Variants in EFEMP1 observed in about 807,000 individuals in gnomAD.
The protein encoded by EFEMP1 is EGF-like fibulin extracellular matrix protein 1.
In EFEMP1, 18 loss-of-function variants were observed where a neutral mutation model predicts 65.7. The ratio of observed to expected loss-of-function variants is 0.27; its 90% CI spans 0.19 to 0.41. The LOEUF is 0.41. EFEMP1 is among the 10% of genes least tolerant of loss of function. The pLI is 1.00. For missense variants in EFEMP1, 469 were observed against 624.8 expected, an observed-to-expected ratio of 0.75 and a Z score of 2.66; for synonymous variants, 237 against 219.7, an observed-to-expected ratio of 1.08 and a Z score of -0.70.
At position 55,922,242 on chromosome 2, in the gene EFEMP1, T is replaced by C; in HGVS notation, c.81+118A>G. 1.0e-6 allele frequency: 1 copy of C among 956,178 alleles called. No individual in the cohort carries two copies. The highest frequency in any genetic ancestry group is 1.7e-6 in the Non-Finnish European group (1 of 597,662). 59.2% of individuals were successfully genotyped at this position (956,178 alleles called of 1,614,324 possible). ...GATATGAAGCATGAATGAAGTGTTGTTTAATTTATCACCCTCAGCAGAGTA... is the reference window on the plus strand; with the variant it reads ...GATATGAAGCATGAATGAAGTGTTGCTTAATTTATCACCCTCAGCAGAGTA... On this transcript the variant is annotated intron_variant, in intron 3 of 11. Transcript: ENST00000355426. The surrounding 1 kb of genome is among the most constrained non-coding windows in gnomAD (Gnocchi z 5.5).
At chr2:55,920,440 G>A (rs1221605067) in intron 3 of EFEMP1, among the ~76,000 whole-genome samples, 1 of 152,220 alleles carries the variant, frequency 6.6e-6, no homozygotes, top group East Asian at 1.9e-4. Flanking sequence ...TTTTAATAGT[G>A]ATGAGAATTG....
chr2:55,889,009 A>T lies in EFEMP1; in HGVS notation c.518-7275T>A, dbSNP rs971938185. 7.2e-5 allele frequency among the ~76,000 whole-genome samples: 11 copies of T among 152,068 alleles called. 1 individual carries two copies. Among genetic ancestry groups the T allele is most frequent in the Non-Finnish European group, 1.5e-4 (10 of 68,016 alleles). ...CTGGTGAGTGATGAACTGAATGGAG[A>T]CTGACTACATTCAACTGAGTCTACC... On this transcript the variant is annotated intron_variant, in intron 5 of 11. Coordinates refer to ENST00000355426, the MANE Select transcript of EFEMP1 (RefSeq NM_001039348.3).
At chr2:55,920,819 G>A (rs935826533) in intron 3 of EFEMP1, among the ~76,000 whole-genome samples, 1 of 152,142 alleles carries the variant, frequency 6.6e-6, no homozygotes, top group South Asian at 2.1e-4. Context: ...AAAGGAGATC[G>A]TGTCTCCACA....
Position 55,917,756 on chromosome 2 carries a change from G to C in EFEMP1, c.426C>G (p.Asn142Lys). ...TGRNNFVIRR[N>K]PADPQRIPSN... is the part of the protein sequence containing the mutation. Reference sequence around the variant, plus strand: ...AGGGAATGCGCTGAGGGTCAGCTGGGTTCCGCCGGATGACAAAGTTATTTC... The same window carrying C: ...AGGGAATGCGCTGAGGGTCAGCTGGCTTCCGCCGGATGACAAAGTTATTTC... Residue 142 changes from asparagine to lysine, a missense_variant, in exon 5 of 12, where the codon AAC becomes AAG. Asn to Lys is a moderately conservative substitution (Grantham distance 94). Transcript: ENST00000355426. The surrounding 1 kb of genome is among the most constrained non-coding windows in gnomAD (Gnocchi z 6.3). The C allele has an allele frequency of 1.2e-6, 2 of 1,614,188 alleles. No individual in the cohort carries two copies. The highest frequency in any genetic ancestry group is 1.7e-6 in the Non-Finnish European group (2 of 1,180,030).
intron 5 of EFEMP1, among the ~76,000 whole-genome samples, chr2:55,884,421 C>T (rs560879045): frequency 1.4e-4 from 22 of 152,258 alleles, no homozygotes; most frequent in Middle Eastern, 3.4e-3. Context: ...ACAAAATTTA[C>T]TAAAATGGAC....
rs773596559 is a variant in EFEMP1 at position 55,877,957 on chromosome 2, C to A, written c.641-92G>T. ...TCTAGAAAACCTATGTAGAGAAAAT[C>A]TCTTTTTAAAAGTAATAATTTCCTA... On this transcript the variant is annotated intron_variant, in intron 6 of 11. Coordinates refer to ENST00000355426, the MANE Select transcript of EFEMP1 (RefSeq NM_001039348.3). The surrounding 1 kb of genome is among the most constrained non-coding windows in gnomAD (Gnocchi z 4.5). 41 of 1,493,118 alleles carry A rather than the reference C, an allele frequency of 2.7e-5. No homozygotes were observed. Among genetic ancestry groups the A allele is most frequent in the Non-Finnish European group, 3.6e-5 (39 of 1,094,246 alleles). 92.5% of individuals were successfully genotyped at this position (1,493,118 alleles called of 1,614,324 possible).
intron 6 of EFEMP1, among the ~76,000 whole-genome samples, chr2:55,880,338 C>T (rs1056521318): frequency 6.6e-6 from 1 of 152,156 alleles, no homozygotes; most frequent in African/African-American, 2.4e-5. Flanking sequence ...TTTGATTCAC[C>T]CCACACTAAG....
chr2:55,880,468 C>G (rs1008889313), intron 6 of EFEMP1, among the ~76,000 whole-genome samples: 25 of 152,210 alleles, frequency 1.6e-4, no homozygotes, highest in African/African-American at 5.5e-4. Context: ...TAAATCACAG[C>G]TTCATTTATA....
Position 55,873,718 on chromosome 2 carries a change from C to T in EFEMP1, c.1000+1228G>A, listed in dbSNP as rs1004125788. On this transcript the variant is annotated intron_variant, in intron 9 of 11. Transcript: ENST00000355426. This position sits in a 1 kb window ranked among gnomAD's most constrained non-coding sequence, Gnocchi z 4.6. ...TGTTCATTGTGCAATGAACTACATT[C>T]TGATTATGCTCATACTCAGTGGTTG... 6.6e-6 allele frequency among the ~76,000 whole-genome samples: 1 copy of T among 152,098 alleles called. No individual in the cohort carries two copies. The highest frequency in any genetic ancestry group is 1.9e-4 in the East Asian group (1 of 5,178).
At chr2:55,881,301 G>A (rs1669230188) in intron 6 of EFEMP1, among the ~76,000 whole-genome samples, 1 of 152,216 alleles carries the variant, frequency 6.6e-6, no homozygotes. Context: ...CACAGTACCA[G>A]TGTGTTAGCG....
In EFEMP1 at chr2:55,877,979, C is replaced by A; in HGVS notation, c.641-114G>T. ...AATCTCTTTTTAAAAGTAATAATTT[C>A]CTATTTTGTTAAAATTAGGGTATAT... On this transcript the variant is annotated intron_variant, in intron 6 of 11. Coordinates refer to ENST00000355426, the MANE Select transcript of EFEMP1 (RefSeq NM_001039348.3). This position sits in a 1 kb window ranked among gnomAD's most constrained non-coding sequence, Gnocchi z 4.5. 1.5e-6 allele frequency: 2 copies of A among 1,339,972 alleles called. No homozygotes were observed. Among genetic ancestry groups the A allele is most frequent in the Non-Finnish European group, 2.1e-6 (2 of 972,550 alleles). The allele number at this position is 1,339,972 out of a possible 1,614,324, so 83.0% of individuals were successfully genotyped here. A position where few individuals can be genotyped will look rare whatever the true frequency, so the allele number is the denominator to read the frequency against.
At chr2:55,905,738 C>T (rs549578143) in intron 5 of EFEMP1, among the ~76,000 whole-genome samples, 6 of 152,220 alleles carry the variant, frequency 3.9e-5, no homozygotes, top group African/African-American at 9.6e-5. Context: ...TGTGAGCCAC[C>T]GCGCCCAGCC....
At position 55,870,265 on chromosome 2, in the gene EFEMP1, T is replaced by A. The variant is rs1228392384; in HGVS notation, c.1320+455A>T. Among the ~76,000 whole-genome samples, 1 of 151,556 alleles carries A rather than the reference T, an allele frequency of 6.6e-6. No individual in the cohort carries two copies. Among genetic ancestry groups the A allele is most frequent in the Non-Finnish European group, 1.5e-5 (1 of 67,960 alleles). On this transcript the variant is annotated intron_variant, in intron 11 of 11. Transcript: ENST00000355426. The surrounding 1 kb of genome is among the most constrained non-coding windows in gnomAD (Gnocchi z 5.8). ...AATTCATGATGTCTGAAAAACTCTT[T>A]AGGAGCTCCAGGAATTATTTTGGGT...
intron 11 of EFEMP1, among the ~76,000 whole-genome samples, chr2:55,869,517 A>C (rs1389802964): frequency 1.3e-5 from 2 of 152,144 alleles, no homozygotes; most frequent in Non-Finnish European, 2.9e-5. Context: ...GTTGGTCATG[A>C]GAAATTAATC....
intron 5 of EFEMP1, among the ~76,000 whole-genome samples, chr2:55,884,742 T>C (rs779747368): frequency 1.3e-5 from 2 of 152,202 alleles, no homozygotes; most frequent in Non-Finnish European, 2.9e-5. Context: ...TGTTTTTGCA[T>C]GATTATAATT....
intron 5 of EFEMP1, among the ~76,000 whole-genome samples, chr2:55,910,341 C>T (rs182730861): frequency 3.9e-5 from 6 of 152,200 alleles, no homozygotes; most frequent in South Asian, 4.1e-4. Context: ...TTTGAGTGTG[C>T]GATTTGCAAT....
chr2:55,894,528 A>T (rs1256583889), intron 5 of EFEMP1, among the ~76,000 whole-genome samples: 1 of 149,912 alleles, frequency 6.7e-6, no homozygotes, highest in African/African-American at 2.5e-5. Context: ...TTCACTAAGC[A>T]GCATGGTGAT....
rs2277886 is a variant in EFEMP1 at position 55,922,340 on chromosome 2, C to G, written c.81+20G>C. 0.19 allele frequency: 299,499 copies of G among 1,611,294 alleles called. 30,576 individuals carry two copies. Among genetic ancestry groups the G allele is most frequent in the East Asian group, 0.4 (17,828 of 44,832 alleles). On this transcript the variant is annotated intron_variant, in intron 3 of 11. Transcript: ENST00000355426. This position sits in a 1 kb window ranked among gnomAD's most constrained non-coding sequence, Gnocchi z 5.5. ...GAATCCCGCTGAACCGTACTTATTT[C>G]AAATTCCATCACCCCTTACCGTGTA...
chr2:55,901,185 T>C (rs1670018098), intron 5 of EFEMP1, among the ~76,000 whole-genome samples: 1 of 152,184 alleles, frequency 6.6e-6, no homozygotes, highest in Non-Finnish European at 1.5e-5. Context: ...CATGATTCCC[T>C]AACAAACACA....
Sources: gnomAD v4.1 joint callset for allele counts (sites outside exome capture counted in the v4.1 genomes callset) on GRCh38, gnomAD v4.1.1 for gene constraint, Gnocchi (gnomAD v3.1) non-coding constraint, MANE v1.5 for transcripts, NCBI Gene and HGNC (gene_info 2026-07-23, HGNC 2026-07-21) for gene names.